Variants in ABCB7 observed in about 807,000 individuals in gnomAD.
ABCB7 encodes ATP binding cassette subfamily B member 7.
Under a neutral mutation model 54.4 loss-of-function variants are expected in ABCB7, and 7 were observed. The ratio of observed to expected loss-of-function variants is 0.13; its 90% CI spans 0.07 to 0.24. The LOEUF is 0.24. ABCB7 is among the 10% of genes least tolerant of loss of function. The pLI is 1.00. For missense variants in ABCB7, 356 were observed against 570.4 expected (o/e 0.62, Z 3.83); for synonymous variants, 218 against 207.1 (o/e 1.05, Z -0.45).
chrX:75,089,090 T>C (rs1324347047), intron 4 of ABCB7, among the ~76,000 whole-genome samples: 1 of 110,425 alleles, frequency 9.1e-6, no homozygotes, highest in Non-Finnish European at 1.9e-5. Flanking sequence ...CTAGTGAAAC[T>C]GTCCTTTACA....
chrX:75,092,156 T>C (rs1331061861), intron 4 of ABCB7, among the ~76,000 whole-genome samples: 3 of 111,246 alleles, frequency 2.7e-5, no homozygotes, highest in Non-Finnish European at 5.7e-5. Context: ...GGTCTGACAC[T>C]ACCTGACTAT....
At chrX:75,097,468 C>A (rs1040392599) in intron 4 of ABCB7, 1 of 111,719 alleles carries the variant, frequency 9.0e-6, no homozygotes, top group Non-Finnish European at 1.9e-5. Flanking sequence ...TTTATTAGGG[C>A]AATAAAATAA....
chrX:75,066,378 T>G (rs2081318385), intron 12 of ABCB7, among the ~76,000 whole-genome samples: 1 of 111,832 alleles, frequency 8.9e-6, no homozygotes, highest in South Asian at 3.7e-4. Flanking sequence ...AGACAATACT[T>G]AAACTCAATA....
intron 1 of ABCB7, among the ~76,000 whole-genome samples, chrX:75,129,393 C>A (rs1487153221): frequency 9.1e-6 from 1 of 110,039 alleles, no homozygotes; most frequent in African/African-American, 3.3e-5. Flanking sequence ...GGGAGTTGAA[C>A]AATGAGAACA....
Position 75,075,589 on chromosome X carries a change from G to T in ABCB7, c.628C>A (p.Arg210=). The change falls in exon 6 of 16, where the codon CGA becomes AGA. Residue 210 remains arginine (R), a synonymous_variant. Transcript: ENST00000373394. ...RAGAAFFNEV[R]NAVFGKVAQN... is the part of the protein sequence containing the mutation. ...GCTACCTTGCCAAATACTGCATTTC[G>T]AACTTCGTTAAAAAAAGCAGCTCCA... The T allele has an allele frequency of 9.1e-6, 11 of 1,209,789 alleles. No individual in the cohort carries two copies. Among genetic ancestry groups the T allele is most frequent in the Non-Finnish European group, 1.2e-5 (11 of 894,279 alleles).
intron 1 of ABCB7, among the ~76,000 whole-genome samples, chrX:75,141,900 C>G (rs1030651427): frequency 9.0e-6 from 1 of 111,011 alleles, no homozygotes; most frequent in Admixed American, 9.6e-5. Flanking sequence ...GAAACAGGAG[C>G]CAACCTAAAA....
At chrX:75,080,012 G>A (rs1398963970) in intron 4 of ABCB7, among the ~76,000 whole-genome samples, 2 of 111,959 alleles carry the variant, frequency 1.8e-5, no homozygotes, top group African/African-American at 3.2e-5. Context: ...TCAGCATAAC[G>A]TGCTCAAAGT....
intron 3 of ABCB7, among the ~76,000 whole-genome samples, chrX:75,101,476 T>TTTAA (rs1236577734): frequency 3.6e-5 from 4 of 111,140 alleles, no homozygotes; most frequent in Non-Finnish European, 7.6e-5. Context: ...CCTGAACTGC[T>TTTAA]TTAAATACAT....
intron 4 of ABCB7, among the ~76,000 whole-genome samples, chrX:75,077,539 A>C (rs981247205): frequency 6.2e-5 from 7 of 112,148 alleles, no homozygotes; most frequent in Non-Finnish European, 1.3e-4. Context: ...CACATTAATA[A>C]CATGTGAAAA....
At chrX:75,085,702 C>A (rs1022710806) in intron 4 of ABCB7, among the ~76,000 whole-genome samples, 2 of 111,177 alleles carry the variant, frequency 1.8e-5, no homozygotes, top group Non-Finnish European at 3.8e-5. Flanking sequence ...CAATAAAAAT[C>A]AACCCAATAT....
At chrX:75,115,138 T>C (rs536462713) in intron 1 of ABCB7, among the ~76,000 whole-genome samples, 1 of 106,815 alleles carries the variant, frequency 9.4e-6, no homozygotes, top group Non-Finnish European at 1.9e-5. Context: ...CGTGGTGGCG[T>C]GCGCCTGTAG....
At chrX:75,090,007 G>GCC (rs1171622578) in intron 4 of ABCB7, among the ~76,000 whole-genome samples, 1 of 110,590 alleles carries the variant, frequency 9.0e-6, no homozygotes, top group East Asian at 2.8e-4. Flanking sequence ...AGGAATAAAA[G>GCC]AGGGGCATTA....
At chrX:75,127,102 C>T (rs1386329647) in intron 1 of ABCB7, among the ~76,000 whole-genome samples, 3 of 111,133 alleles carry the variant, frequency 2.7e-5, no homozygotes, top group Non-Finnish European at 3.8e-5. Context: ...AGAGACACAA[C>T]AAAAAAAGAA....
chrX:75,075,273 G>C, intron 6 of ABCB7, 89 bp downstream of exon 6: 1 of 1,058,965 alleles, frequency 9.4e-7, no homozygotes, highest in Non-Finnish European at 1.3e-6. Flanking sequence ...CAAGCCCATG[G>C]GCATGCAACA....
At chrX:75,064,956 C>T (rs999514884) in intron 13 of ABCB7, 114 bp downstream of exon 13, 1 of 868,382 alleles carries the variant, frequency 1.2e-6, no homozygotes, top group East Asian at 3.4e-5. Context: ...TCAAATGTGA[C>T]TCAACGAGCA....
chrX:75,092,615 G>A (rs2081553565), intron 4 of ABCB7, among the ~76,000 whole-genome samples: 2 of 111,361 alleles, frequency 1.8e-5, no homozygotes, highest in African/African-American at 6.5e-5. Flanking sequence ...ACTGTCAAGA[G>A]AATAAGATGA....
At chrX:75,122,905 G>C (rs865977453) in intron 1 of ABCB7, among the ~76,000 whole-genome samples, 4 of 78,689 alleles carry the variant, frequency 5.1e-5, no homozygotes, top group African/African-American at 1.9e-4. Flanking sequence ...TAAGTTGTGT[G>C]AGTTCCTTCT....
chrX:75,093,459 G>A (rs1342527384), intron 4 of ABCB7, among the ~76,000 whole-genome samples: 1 of 110,757 alleles, frequency 9.0e-6, no homozygotes, highest in African/African-American at 3.3e-5. Context: ...GGATTTTGGG[G>A]GCAGGGAAAC....
chrX:75,069,558 A>G, intron 10 of ABCB7, 104 bp from the exon 11 acceptor site: 1 of 911,791 alleles, frequency 1.1e-6, no homozygotes, highest in South Asian at 2.2e-5. Flanking sequence ...AATGGAAAAG[A>G]AGGAGGTTTA....
Sources: allele counts gnomAD v4.1 joint callset (sites outside exome capture counted in the v4.1 genomes callset), GRCh38; gene constraint gnomAD v4.1.1; transcripts MANE v1.5; gene names NCBI Gene and HGNC (gene_info 2026-07-23, HGNC 2026-07-21).